The following GLP2R variants were observed in gnomAD, a reference collection of about 807,000 sequenced individuals.
The protein encoded by GLP2R is glucagon-like peptide 2 receptor.
A neutral mutation model predicts 68.2 loss-of-function variants in GLP2R; 59 were observed. The observed-to-expected ratio is 0.87, with a 90% CI of 0.70 to 1.07. GLP2R has a LOEUF of 1.07. GLP2R is among the 50% of genes least tolerant of loss of function. The pLI is 0.00. For missense variants in GLP2R, 548 were observed against 677.4 expected (o/e 0.81, Z 2.12); for synonymous variants, 270 against 265.4 (o/e 1.02, Z -0.17).
chr17:9,863,750 T>C (rs1275753617), intron 9 of GLP2R, among the ~76,000 whole-genome samples: 2 of 152,206 alleles, frequency 1.3e-5, no homozygotes, highest in Non-Finnish European at 2.9e-5. Flanking sequence ...CTCTCCTTTG[T>C]TCCTTCCCAG....
chr17:9,838,464 T>C (rs1024776171), intron 3 of GLP2R, among the ~76,000 whole-genome samples: 35 of 152,158 alleles, frequency 2.3e-4, no homozygotes, highest in Admixed American at 1.8e-3. Flanking sequence ...GACTTCTCAG[T>C]AGCATGTGGA....
At chr17:9,877,833 C>T (rs1364262438) in intron 10 of GLP2R, among the ~76,000 whole-genome samples, 3 of 149,568 alleles carry the variant, frequency 2.0e-5, no homozygotes, top group African/African-American at 4.9e-5. Context: ...GCCGAGATCC[C>T]GCCACTGCAC....
At chr17:9,826,390 C>A in intron 1 of GLP2R, 138 bp downstream of exon 1, 1 of 613,588 alleles carries the variant, frequency 1.6e-6, no homozygotes, top group Non-Finnish European at 2.7e-6. Context: ...ATAATCCTAG[C>A]ATTCAAAGGT....
chr17:9,849,973 C>T (rs1032089573), intron 4 of GLP2R, among the ~76,000 whole-genome samples: 1 of 152,030 alleles, frequency 6.6e-6, no homozygotes, highest in East Asian at 1.9e-4. Context: ...TTTATGTTGG[C>T]TTATATTTGT....
Position 9,857,454 on chromosome 17 carries a change from A to G in GLP2R, c.643A>G (p.Met215Val), listed in dbSNP as rs767641586. 6.2e-7 allele frequency: 1 copy of G among 1,614,202 alleles called. No individual in the cohort carries two copies. Among genetic ancestry groups the G allele is most frequent in the South Asian group, 1.1e-5 (1 of 91,080 alleles). ...CCACTGCACGCGCAACTACATCCAC[A>G]TGAACTTGTTTGCTTCTTTCATCCT... is the stretch of plus-strand genomic sequence containing the variant. ...KLHCTRNYIH[M>V]NLFASFILRT... Residue 215 changes from methionine (M) to valine (V), a missense_variant, in exon 6 of 13, where the codon ATG (methionine) becomes GTG (valine). Physicochemically the swap from Met to Val is conservative, Grantham distance 21. Transcript: ENST00000262441.
chr17:9,855,797 C>A (rs1462746992), intron 5 of GLP2R, among the ~76,000 whole-genome samples: 2 of 152,190 alleles, frequency 1.3e-5, no homozygotes, highest in African/African-American at 2.4e-5. Context: ...GGATCACAAA[C>A]AAGCAGTCTA....
intron 11 of GLP2R, among the ~76,000 whole-genome samples, chr17:9,884,311 G>A (rs773152155): frequency 7.9e-5 from 12 of 152,066 alleles, no homozygotes; most frequent in Non-Finnish European, 1.8e-4. Context: ...CAGCCTCATG[G>A]GATTCACAAA....
At position 9,833,818 on chromosome 17, in the gene GLP2R, C is replaced by T. The variant is rs780394762; in HGVS notation, c.201C>T (p.Ser67=). The change falls in exon 2 of 13, where the codon TCC becomes TCT. Residue 67 remains serine, a synonymous_variant. Transcript: ENST00000262441. Reference sequence around the variant, plus strand: ...TTTTGTTTGCTCAGGTTACAGGATCCCTCCTTGAGGAAACGACTCGGAAGT... The same window carrying T: ...TTTTGTTTGCTCAGGTTACAGGATCTCTCCTTGAGGAAACGACTCGGAAGT... The part of the protein sequence containing the change: ...LLVSIKQVTG[S]LLEETTRKWA... 5 of 1,610,686 alleles carry T rather than the reference C, an allele frequency of 3.1e-6. No individual in the cohort carries two copies. Among genetic ancestry groups the T allele is most frequent in the South Asian group, 2.2e-5 (2 of 90,770 alleles).
At chr17:9,849,298 A>C (rs2066870402) in intron 4 of GLP2R, among the ~76,000 whole-genome samples, 1 of 152,072 alleles carries the variant, frequency 6.6e-6, no homozygotes, top group Non-Finnish European at 1.5e-5. Context: ...TTCAAAACTA[A>C]TTTGTAGACA....
Position 9,859,949 on chromosome 17 carries a change from C to A in GLP2R, c.773C>A (p.Thr258Asn). The A allele has an allele frequency of 6.2e-7, 1 of 1,603,812 alleles. No homozygotes were observed. The highest frequency in any genetic ancestry group is 8.5e-7 in the Non-Finnish European group (1 of 1,175,108). The change falls in exon 7 of 13, where the codon ACC (threonine) becomes AAC (asparagine). Residue 258 changes from threonine (T) to asparagine (N), a missense_variant. By Grantham distance (65) the Thr-to-Asn change is moderately conservative. Transcript: ENST00000262441. ...GTGTTTTTTCCTCTGCAGATGTCCA[C>A]CTCCTGCCGCTCAGTCCAGGTTCTC... The part of the protein sequence containing the change: ...GWMSYLSEMS[T>N]SCRSVQVLLH...
intron 11 of GLP2R, among the ~76,000 whole-genome samples, chr17:9,887,149 A>T (rs1172194685): frequency 6.6e-6 from 1 of 152,096 alleles, no homozygotes; most frequent in Non-Finnish European, 1.5e-5. Context: ...GGAACATGGG[A>T]ACCACATGAC....
chr17:9,830,755 C>G (rs953511651), intron 1 of GLP2R, among the ~76,000 whole-genome samples: 1 of 152,134 alleles, frequency 6.6e-6, no homozygotes. Flanking sequence ...AACATTAGAT[C>G]TCACCCCCTC....
intron 9 of GLP2R, among the ~76,000 whole-genome samples, chr17:9,864,513 TG>T (rs1597394051): frequency 6.0e-5 from 9 of 149,968 alleles, no homozygotes; most frequent in African/African-American, 1.5e-4. Context: ...TTTGTTTGTT[TG>T]TTTTGTTTTT....
chr17:9,826,521 C>T (rs1219285894), intron 1 of GLP2R, among the ~76,000 whole-genome samples: 4 of 152,060 alleles, frequency 2.6e-5, no homozygotes, highest in Non-Finnish European at 2.9e-5. Context: ...CCCAACCAGC[C>T]CCGCATCATA....
At chr17:9,868,973 T>C (rs2067066511) in intron 9 of GLP2R, among the ~76,000 whole-genome samples, 1 of 152,226 alleles carries the variant, frequency 6.6e-6, no homozygotes, top group African/African-American at 2.4e-5. Flanking sequence ...ATTACTTGAT[T>C]ACATTTACCT....
chr17:9,854,381 A>T, intron 4 of GLP2R, 114 bp from the exon 5 acceptor site: 3 of 704,430 alleles, frequency 4.3e-6, no homozygotes, highest in Non-Finnish European at 5.2e-6. Context: ...GGAAACATTT[A>T]AAAAAATGTT....
intron 2 of GLP2R, among the ~76,000 whole-genome samples, chr17:9,834,386 A>T (rs1414104631): frequency 6.6e-6 from 1 of 152,048 alleles, no homozygotes; most frequent in Non-Finnish European, 1.5e-5. Flanking sequence ...TCTGCTGTAG[A>T]TTAGCCTGGG....
intron 4 of GLP2R, among the ~76,000 whole-genome samples, chr17:9,849,713 C>T (rs368148008): frequency 1.4e-4 from 21 of 145,788 alleles, no homozygotes; most frequent in African/African-American, 4.3e-4. Context: ...CCTGGGTTCA[C>T]GCCATTCTCC....
At chr17:9,847,374 A>C (rs1212909903) in intron 4 of GLP2R, among the ~76,000 whole-genome samples, 2 of 151,802 alleles carry the variant, frequency 1.3e-5, no homozygotes, top group Non-Finnish European at 2.9e-5. Context: ...GTTTCAAGCG[A>C]TTCTTCTGCC....
Sources: allele counts gnomAD v4.1 joint callset (sites outside exome capture counted in the v4.1 genomes callset), GRCh38; gene constraint gnomAD v4.1.1; transcripts MANE v1.5; gene names NCBI Gene and HGNC (gene_info 2026-07-23, HGNC 2026-07-21).